EPM2A: variants seen among roughly 807,000 people sequenced by gnomAD.
EPM2A encodes the protein laforin.
EPM2A carries 21 observed loss-of-function variants against 26.5 expected under a neutral mutation model. The ratio of observed to expected loss-of-function variants is 0.79; its 90% CI spans 0.56 to 1.14. The LOEUF is 1.14. EPM2A is among the 50% of genes most tolerant of loss of function. EPM2A has a pLI of 0.00. For missense variants in EPM2A, 458 were observed against 440.8 expected, an observed-to-expected ratio of 1.04 and a Z score of -0.35; for synonymous variants, 217 against 177.6, an observed-to-expected ratio of 1.22 and a Z score of -1.76.
intron 4 of EPM2A, among the ~76,000 whole-genome samples, chr6:145,419,285 T>A (rs1474605346): frequency 1.3e-5 from 2 of 148,746 alleles, no homozygotes; most frequent in African/African-American, 2.4e-5. Context: ...CCCTCAGATG[T>A]GTTGGATGGA....
intron 4 of EPM2A, among the ~76,000 whole-genome samples, chr6:145,439,559 A>T (rs1351262684): frequency 6.6e-6 from 1 of 152,078 alleles, no homozygotes; most frequent in Non-Finnish European, 1.5e-5. Context: ...CATTTCTTTA[A>T]CGATCAGTGA....
At chr6:145,645,631 G>A (rs1016884808) in intron 2 of EPM2A, among the ~76,000 whole-genome samples, 1 of 151,680 alleles carries the variant, frequency 6.6e-6, no homozygotes, top group African/African-American at 2.4e-5. Context: ...GACAAGGTCT[G>A]GTTCTATCAC....
intron 2 of EPM2A, among the ~76,000 whole-genome samples, chr6:145,527,891 A>G (rs1258276828): frequency 6.6e-6 from 1 of 151,420 alleles, no homozygotes; most frequent in South Asian, 2.1e-4. Flanking sequence ...TTGTGAATGC[A>G]AAAAAAAAGT....
At chr6:145,415,567 A>G (rs1778697259) in intron 4 of EPM2A, among the ~76,000 whole-genome samples, 1 of 152,138 alleles carries the variant, frequency 6.6e-6, no homozygotes, top group Non-Finnish European at 1.5e-5. Flanking sequence ...TCAGGTTCTT[A>G]TCATTTCTTT....
At chr6:145,687,327 C>G (rs1209338788) in intron 1 of EPM2A, among the ~76,000 whole-genome samples, 1 of 151,682 alleles carries the variant, frequency 6.6e-6, no homozygotes, top group East Asian at 1.9e-4. Context: ...ATCACTGAAT[C>G]TGGTATGCCT....
At chr6:145,399,848 C>T (rs1459183457) in intron 4 of EPM2A, among the ~76,000 whole-genome samples, 2 of 152,144 alleles carry the variant, frequency 1.3e-5, no homozygotes, top group Non-Finnish European at 2.9e-5. Flanking sequence ...ATCTTTTTGG[C>T]TATCTCCTGA....
In EPM2A at chr6:145,489,454, C is replaced by G. The variant is rs533033913; in HGVS notation, c.555+13068G>C. 4.6e-5 allele frequency among the ~76,000 whole-genome samples: 7 copies of G among 152,218 alleles called. No homozygotes were observed. The South Asian group carries it at 1.5e-3, about 32-fold the overall frequency. On this transcript the variant is annotated intron_variant, in intron 4 of 4. Transcript: ENST00000638717. ...TCCCCTTAATTTATGGAACAGATCC[C>G]TCCTCTGGCATTGAGCTGGGGAAGA... is the stretch of plus-strand genomic sequence containing the variant.
chr6:145,584,333 A>C (rs920818602), intron 2 of EPM2A, among the ~76,000 whole-genome samples: 5 of 152,122 alleles, frequency 3.3e-5, no homozygotes, highest in African/African-American at 1.2e-4. Flanking sequence ...CCAAGGCTGT[A>C]ATGCAACTGG....
At chr6:145,722,058 T>C (rs1775974276) in intron 1 of EPM2A, among the ~76,000 whole-genome samples, 1 of 152,234 alleles carries the variant, frequency 6.6e-6, no homozygotes, top group Non-Finnish European at 1.5e-5. Context: ...TCAGTTATCA[T>C]TAACCCTGGT....
chr6:145,589,646 C>T (rs1014559605), intron 2 of EPM2A, among the ~76,000 whole-genome samples: 2 of 151,800 alleles, frequency 1.3e-5, no homozygotes, highest in African/African-American at 4.8e-5. Context: ...AATGTTAAGC[C>T]AAAAGAGGAT....
chr6:145,597,351 A>G (rs978499282), intron 2 of EPM2A, among the ~76,000 whole-genome samples: 1 of 152,186 alleles, frequency 6.6e-6, no homozygotes, highest in Admixed American at 6.5e-5. Context: ...TTGCTGGTCA[A>G]TTTGGCTAAG....
chr6:145,519,655 C>G (rs1413256556), intron 2 of EPM2A, among the ~76,000 whole-genome samples: 1 of 152,102 alleles, frequency 6.6e-6, no homozygotes, highest in East Asian at 1.9e-4. Flanking sequence ...GCCACAGTGA[C>G]CCCAGAATGT....
intron 4 of EPM2A, among the ~76,000 whole-genome samples, chr6:145,397,602 C>G (rs190750640): frequency 1.5e-3 from 221 of 152,260 alleles, no homozygotes; most frequent in African/African-American, 5.1e-3. Flanking sequence ...GTGGGAAAAT[C>G]TTTTTACAGC....
At chr6:145,726,528 A>G (rs1164080764) in intron 1 of EPM2A, among the ~76,000 whole-genome samples, 1 of 152,132 alleles carries the variant, frequency 6.6e-6, no homozygotes, top group African/African-American at 2.4e-5. Context: ...AAACTAACAA[A>G]TATGACTTCA....
At position 145,616,909 on chromosome 6, in the gene EPM2A, T is replaced by G. The variant is rs192207580; in HGVS notation, c.340+18336A>C. 1.8e-3 allele frequency among the ~76,000 whole-genome samples: 276 copies of G among 152,330 alleles called. 1 individual carries two copies. The highest frequency in any genetic ancestry group is 6.3e-3 in the African/African-American group (263 of 41,576). On this transcript the variant is annotated intron_variant, in intron 2 of 3. Coordinates refer to the EPM2A transcript ENST00000450221. ...ACTTGCTTTTGATTTTACAGGCTCA[T>G]AGGTGGAAGGAACTTGCCTGGTGTC...
intron 2 of EPM2A, among the ~76,000 whole-genome samples, chr6:145,605,071 A>G (rs1217070458): frequency 1.3e-5 from 2 of 152,172 alleles, no homozygotes; most frequent in Admixed American, 6.5e-5. Context: ...AGAGAAAAGC[A>G]ATTTTAAATT....
At chr6:145,391,524 C>G (rs57980525) in intron 4 of EPM2A, among the ~76,000 whole-genome samples, 8,834 of 152,224 alleles carry the variant, frequency 0.058, 469 homozygotes, top group African/African-American at 0.13. Context: ...GCCTGCCCCC[C>G]CTTTGTAAAT....
At chr6:145,573,031 G>T (rs1780981289) in intron 2 of EPM2A, among the ~76,000 whole-genome samples, 1 of 152,214 alleles carries the variant, frequency 6.6e-6, no homozygotes, top group Non-Finnish European at 1.5e-5. Flanking sequence ...TGGACTTCTA[G>T]AAATTTTACT....
chr6:145,492,548 C>T (rs1374793858), intron 4 of EPM2A, among the ~76,000 whole-genome samples: 1 of 151,826 alleles, frequency 6.6e-6, no homozygotes, highest in African/African-American at 2.4e-5. Context: ...CACCCGAGCT[C>T]TTGTCTGGCA....
Sources: gnomAD v4.1 joint callset for allele counts (sites outside exome capture counted in the v4.1 genomes callset) on GRCh38, gnomAD v4.1.1 for gene constraint, MANE v1.5 for transcripts, NCBI Gene and HGNC (gene_info 2026-07-23, HGNC 2026-07-21) for gene names.